VEPH1: variants seen among roughly 807,000 people sequenced by gnomAD.
The protein encoded by VEPH1 is ventricular zone expressed PH domain containing 1, also known as ventricular zone-expressed PH domain-containing protein homolog 1.
A neutral mutation model predicts 85.2 loss-of-function variants in VEPH1; 80 were observed. That is an observed-to-expected ratio of 0.94 (90% CI 0.78 to 1.13). The LOEUF (loss-of-function observed/expected upper bound fraction) is 1.13, where lower values mean the gene tolerates loss of function less well. Ranked by LOEUF, VEPH1 falls within the 50% of genes most tolerant of loss-of-function variation. The pLI is 0.00. For synonymous variants in VEPH1, 297 were observed against 348.0 expected, an observed-to-expected ratio of 0.85 and a Z score of 1.63; for missense variants, 955 against 980.5, an observed-to-expected ratio of 0.97 and a Z score of 0.35.
intron 7 of VEPH1, among the ~76,000 whole-genome samples, chr3:157,377,755 C>G (rs7618502): frequency 0.59 from 89,138 of 151,884 alleles, 26,229 homozygotes; most frequent in Admixed American, 0.65. Flanking sequence ...CGTCTCCCAG[C>G]CATGCCGAAC....
intron 9 of VEPH1, among the ~76,000 whole-genome samples, chr3:157,359,368 G>A (rs1725789260): frequency 6.6e-6 from 1 of 152,154 alleles, no homozygotes; most frequent in South Asian, 2.1e-4. Context: ...AATACAATCA[G>A]CCAGTGATAT....
chr3:157,500,215 T>A (rs144810680), intron 1 of VEPH1, among the ~76,000 whole-genome samples: 18 of 152,350 alleles, frequency 1.2e-4, no homozygotes, highest in African/African-American at 3.6e-4. Flanking sequence ...CACTGGAACC[T>A]TCCTTTATTC....
chr3:157,318,417 G>A (rs1362227402), intron 9 of VEPH1, among the ~76,000 whole-genome samples: 1 of 151,954 alleles, frequency 6.6e-6, no homozygotes, highest in Non-Finnish European at 1.5e-5. Context: ...AAACCAGCCC[G>A]GACAACATGG....
intron 6 of VEPH1, among the ~76,000 whole-genome samples, chr3:157,390,965 A>G (rs1729801520): frequency 6.6e-6 from 1 of 152,236 alleles, no homozygotes; most frequent in African/African-American, 2.4e-5. Flanking sequence ...CCAAAGCGGA[A>G]GCTGCTTGAG....
intron 2 of VEPH1, among the ~76,000 whole-genome samples, chr3:157,471,134 A>T (rs953177265): frequency 2.0e-5 from 3 of 152,230 alleles, no homozygotes; most frequent in African/African-American, 7.2e-5. Flanking sequence ...GACCCACTGC[A>T]TTAATTTGGA....
At chr3:157,441,871 C>T (rs1346206102) in intron 4 of VEPH1, among the ~76,000 whole-genome samples, 1 of 151,384 alleles carries the variant, frequency 6.6e-6, no homozygotes, top group Non-Finnish European at 1.5e-5. Context: ...CTGAAAAATG[C>T]ATGTTGGTAA....
intron 6 of VEPH1, among the ~76,000 whole-genome samples, chr3:157,391,728 A>G (rs1466379768): frequency 6.6e-6 from 1 of 152,264 alleles, no homozygotes; most frequent in Non-Finnish European, 1.5e-5. Flanking sequence ...TACACATAAG[A>G]AATCCAGAGA....
intron 9 of VEPH1, among the ~76,000 whole-genome samples, chr3:157,336,952 G>A (rs535753872): frequency 6.6e-6 from 1 of 152,276 alleles, no homozygotes; most frequent in Non-Finnish European, 1.5e-5. Context: ...AAGTTTGCCA[G>A]CCTCTGCTCT....
At chr3:157,310,130 T>C (rs1719949758) in intron 11 of VEPH1, among the ~76,000 whole-genome samples, 1 of 152,200 alleles carries the variant, frequency 6.6e-6, no homozygotes, top group African/African-American at 2.4e-5. Flanking sequence ...AATTCATGAT[T>C]GAAATTTGGA....
intron 9 of VEPH1, among the ~76,000 whole-genome samples, chr3:157,358,043 G>A (rs1725641730): frequency 6.6e-6 from 1 of 152,178 alleles, no homozygotes; most frequent in Non-Finnish European, 1.5e-5. Flanking sequence ...GTGTTCTGAT[G>A]TCAACTCATT....
intron 11 of VEPH1, among the ~76,000 whole-genome samples, chr3:157,312,832 A>C (rs1577313908): frequency 6.6e-6 from 1 of 152,046 alleles, no homozygotes; most frequent in South Asian, 2.1e-4. Context: ...TGGAGCTAGG[A>C]AGACCAAGAT....
At chr3:157,356,100 T>C (rs941259249) in intron 9 of VEPH1, among the ~76,000 whole-genome samples, 2 of 152,096 alleles carry the variant, frequency 1.3e-5, no homozygotes, top group African/African-American at 4.8e-5. Context: ...AGTTTCACCA[T>C]ACTGCCCAGG....
rs778137785 is a variant in VEPH1 at position 157,286,607 on chromosome 3, G to A, written c.2078C>T (p.Thr693Ile). The change falls in exon 12 of 14, where the codon ACA (threonine) becomes ATA (isoleucine). Residue 693 changes from threonine to isoleucine, a missense_variant. Transcript: ENST00000362010. The stretch of plus-strand genomic sequence containing the variant: ...CATGAAGCATTGCCATGCTCCTGCT[G>A]TTTCACTGAAGCCAAACACGTCAAA... Reference protein sequence around the residue: ...RFFDVFGFSETAGAWQCFMCN... With the variant: ...RFFDVFGFSEIAGAWQCFMCN... 1.9e-6 allele frequency: 3 copies of A among 1,614,132 alleles called. No homozygotes were observed. Among genetic ancestry groups the A allele is most frequent in the Non-Finnish European group, 2.5e-6 (3 of 1,179,984 alleles).
At position 157,381,516 on chromosome 3, in the gene VEPH1, G is replaced by T. The variant is rs989628787; in HGVS notation, c.907-140C>A. 1.5e-5 allele frequency: 12 copies of T among 778,988 alleles called. No homozygotes were observed. The Admixed American group carries it at 1.7e-4, about 11-fold the overall frequency. The allele number at this position is 778,988 out of a possible 1,614,324, so 48.3% of individuals were successfully genotyped here. A position where few individuals can be genotyped will look rare whatever the true frequency, so the allele number is the denominator to read the frequency against. ...AACTCCTGATCGAGAACAGGAGTTT[G>T]CAACCAGCCTGGGCAACATGGTAAC... On this transcript the variant is annotated intron_variant, in intron 6 of 13. Transcript: ENST00000362010.
At chr3:157,471,587 G>A (rs535358039) in intron 2 of VEPH1, among the ~76,000 whole-genome samples, 1 of 152,250 alleles carries the variant, frequency 6.6e-6, no homozygotes, top group African/African-American at 2.4e-5. Flanking sequence ...TCTTATCGCT[G>A]TTTTGCTTAG....
intron 10 of VEPH1, chr3:157,316,222 T>C (rs1429151438): frequency 2.0e-5 from 3 of 152,100 alleles, no homozygotes; most frequent in Non-Finnish European, 2.9e-5. Context: ...ATGGAAATAT[T>C]TTATTAACAG....
At position 157,321,962 on chromosome 3, in the gene VEPH1, A is replaced by C. The variant is rs989428748; in HGVS notation, c.1736-4761T>G. Among the ~76,000 whole-genome samples, 5 of 152,326 alleles carry C rather than the reference A, an allele frequency of 3.3e-5. No individual in the cohort carries two copies. The East Asian group carries it at 9.6e-4, about 29-fold the overall frequency. ...TATATAATTTACCACTTTATGGATA[A>C]TATGGTTTAAAATTTAAACCATTTT... On this transcript the variant is annotated intron_variant, in intron 9 of 13. Coordinates refer to ENST00000362010, the MANE Select transcript of VEPH1 (RefSeq NM_001167912.2).
intron 12 of VEPH1, among the ~76,000 whole-genome samples, chr3:157,275,720 T>C (rs1715307140): frequency 1.3e-5 from 2 of 152,182 alleles, no homozygotes; most frequent in Non-Finnish European, 2.9e-5. Flanking sequence ...AGAAAAAGTA[T>C]AGTATGTCAT....
At chr3:157,437,833 G>C (rs572907291) in intron 4 of VEPH1, 2 of 1,470,658 alleles carry the variant, frequency 1.4e-6, no homozygotes, top group Admixed American at 2.7e-5. Flanking sequence ...CGCCCTGGCC[G>C]CGGTGCTAGA....
Sources: allele counts gnomAD v4.1 joint callset (sites outside exome capture counted in the v4.1 genomes callset), GRCh38; gene constraint gnomAD v4.1.1; transcripts MANE v1.5; gene names NCBI Gene and HGNC (gene_info 2026-07-23, HGNC 2026-07-21).